The following PLB1 variants were observed in gnomAD, a reference collection of about 807,000 sequenced individuals.
PLB1 encodes the protein phospholipase B1.
PLB1 carries 242 observed loss-of-function variants against 227.4 expected under a neutral mutation model. The ratio of observed to expected loss-of-function variants is 1.06; its 90% CI spans 0.96 to 1.18. The LOEUF (loss-of-function observed/expected upper bound fraction) is 1.18, where lower values mean the gene tolerates loss of function less well. Ranked by LOEUF, PLB1 falls within the 50% of genes most tolerant of loss-of-function variation. The pLI, the probability that PLB1 is intolerant of heterozygous loss-of-function variation, is 0.00. For synonymous variants in PLB1, 757 were observed against 682.2 expected, an observed-to-expected ratio of 1.11 and a Z score of -1.71; for missense variants, 1,858 against 1,816.3, an observed-to-expected ratio of 1.02 and a Z score of -0.42.
chr2:28,532,193 A>G lies in PLB1; in HGVS notation c.554A>G (p.Gln185Arg). The G allele has an allele frequency of 1.2e-6, 2 of 1,609,430 alleles. No individual in the cohort carries two copies. Among genetic ancestry groups the G allele is most frequent in the Non-Finnish European group, 8.5e-7 (1 of 1,176,946 alleles). The change falls in exon 9 of 58, where the codon CAG becomes CGG. Residue 185 changes from glutamine (Q) to arginine (R), a missense_variant and splice_region_variant. Physicochemically the swap from Gln to Arg is conservative, Grantham distance 43 (BLOSUM62 1). Transcript: ENST00000327757. ...SQCYLCPSAQ[Q>R]NGLAAGGVDE... ...TGTTACCTGTGCCCCTCTGCTCAAC[A>G]GGTAAATGGCAGCCTTGGGGACCAA...
intron 43 of PLB1, 142 bp downstream of exon 43, chr2:28,606,709 A>G: frequency 1.3e-6 from 1 of 749,454 alleles, no homozygotes. Flanking sequence ...GATGGAGGGG[A>G]GTCCATGAGG....
In PLB1 at chr2:28,642,793, G is replaced by A; in HGVS notation, c.4174-65G>A. 5 of 1,402,762 alleles carry A rather than the reference G, an allele frequency of 3.6e-6. No homozygotes were observed. In the East Asian group the frequency reaches 7.5e-5, roughly 21 times the overall value. 86.9% of individuals were successfully genotyped at this position (1,402,762 alleles called of 1,614,324 possible). On this transcript the variant is annotated intron_variant, in intron 57 of 57. Transcript: ENST00000327757. Reference sequence around the variant, plus strand: ...CATCTCAGGAATGGGGACTAGGCAAGTCTTGGCTTGGTGATGGATGGTTCA... The same window carrying A: ...CATCTCAGGAATGGGGACTAGGCAAATCTTGGCTTGGTGATGGATGGTTCA...
At position 28,632,954 on chromosome 2, in the gene PLB1, C is replaced by A; in HGVS notation, c.4013C>A (p.Thr1338Asn). The A allele has an allele frequency of 6.2e-7, 1 of 1,605,856 alleles. No homozygotes were observed. The highest frequency in any genetic ancestry group is 8.5e-7 in the Non-Finnish European group (1 of 1,179,782). ...TGCCGTTGGTTGCAGAGAGGGGACA[C>A]TGACCTCACCTTCTTCTCCGAGGAC... ...TLTPLNERGD[T>N]DLTFFSEDCF... The change falls in exon 56 of 58, where the codon ACT (threonine) becomes AAT (asparagine). Residue 1338 changes from threonine (T) to asparagine (N), a missense_variant. Coordinates refer to ENST00000327757, the MANE Select transcript of PLB1 (RefSeq NM_153021.5).
At position 28,532,166 on chromosome 2, in the gene PLB1, A is replaced by G. The variant is rs571573775; in HGVS notation, c.527A>G (p.Gln176Arg). The change falls in exon 9 of 58, where the codon CAG becomes CGG. Residue 176 changes from glutamine to arginine, a missense_variant. Physicochemically the swap from Gln to Arg is conservative, Grantham distance 43 (BLOSUM62 1). Transcript: ENST00000327757. ...LINVFFSNAS[Q>R]CYLCPSAQQN... ...AATGTGTTCTTCAGTAATGCAAGCCAGTGTTACCTGTGCCCCTCTGCTCAA... is the reference window on the plus strand; with the variant it reads ...AATGTGTTCTTCAGTAATGCAAGCCGGTGTTACCTGTGCCCCTCTGCTCAA... 6 of 1,613,234 alleles carry G rather than the reference A, an allele frequency of 3.7e-6. No homozygotes were observed. The Admixed American group carries it at 8.4e-5, about 22-fold the overall frequency.
At chr2:28,635,798 G>A (rs988407001) in intron 56 of PLB1, among the ~76,000 whole-genome samples, 8 of 152,252 alleles carry the variant, frequency 5.3e-5, no homozygotes, top group African/African-American at 1.9e-4. Context: ...CTTTCCCGAG[G>A]CCTAGTCCTC....
intron 46 of PLB1, among the ~76,000 whole-genome samples, chr2:28,619,524 GTTTTT>G (rs1054121256): frequency 2.1e-5 from 1 of 47,238 alleles, no homozygotes; most frequent in Non-Finnish European, 3.9e-5. Flanking sequence ...TCAAGGTTTT[GTTTTT>G]TTTTTTTTTT....
chr2:28,621,972 T>C (rs1161648392), intron 49 of PLB1, among the ~76,000 whole-genome samples: 1 of 152,216 alleles, frequency 6.6e-6, no homozygotes, highest in Non-Finnish European at 1.5e-5. Context: ...ACTTCACTTC[T>C]CTTATTGCCT....
intron 31 of PLB1, among the ~76,000 whole-genome samples, chr2:28,592,393 A>T (rs1573251299): frequency 7.2e-6 from 1 of 138,066 alleles, no homozygotes; most frequent in African/African-American, 2.7e-5. Flanking sequence ...CCTTCCCTCC[A>T]TCTCTCCTTC....
chr2:28,536,780 A>C (rs1390203535), intron 9 of PLB1, among the ~76,000 whole-genome samples: 1 of 152,190 alleles, frequency 6.6e-6, no homozygotes, highest in African/African-American at 2.4e-5. Flanking sequence ...TTATAGGAGC[A>C]TAATGTCTTT....
chr2:28,519,070 T>G (rs1353313096), intron 3 of PLB1, among the ~76,000 whole-genome samples: 1 of 152,226 alleles, frequency 6.6e-6, no homozygotes, highest in Non-Finnish European at 1.5e-5. Flanking sequence ...ATTGATGCAC[T>G]TTTAAGGAAA....
chr2:28,598,094 C>A, intron 34 of PLB1, 46 bp downstream of exon 34: 1 of 1,548,668 alleles, frequency 6.5e-7, no homozygotes, highest in Non-Finnish European at 8.8e-7. Context: ...TTCCACCCAT[C>A]TGGCCCCTTG....
chr2:28,629,148 C>A lies in PLB1; in HGVS notation c.3781C>A (p.Gln1261Lys), dbSNP rs749454033. ...GGTCATGGAGCTGGCTAGCCTGTAC[C>A]AGGGCCAAGGCGGGAAATGTGCCAT... ...VEVMELASLY[Q>K]GQGGKCAMLA... Residue 1261 changes from glutamine (Q) to lysine (K), a missense_variant, in exon 53 of 58, where the codon CAG (glutamine) becomes AAG (lysine). Coordinates refer to ENST00000327757, the MANE Select transcript of PLB1 (RefSeq NM_153021.5). The A allele has an allele frequency of 6.2e-7, 1 of 1,613,896 alleles. No homozygotes were observed. Among genetic ancestry groups the A allele is most frequent in the East Asian group, 2.2e-5 (1 of 44,862 alleles).
intron 4 of PLB1, among the ~76,000 whole-genome samples, chr2:28,522,760 C>T (rs1669693907): frequency 6.6e-6 from 1 of 152,206 alleles, no homozygotes; most frequent in African/African-American, 2.4e-5. Flanking sequence ...GATGACCTCC[C>T]AGCCCCAGGA....
At position 28,618,379 on chromosome 2, in the gene PLB1, G is replaced by A. The variant is rs138611639; in HGVS notation, c.3295G>A (p.Ala1099Thr). Residue 1099 changes from alanine to threonine, a missense_variant, in exon 46 of 58, where the codon GCC becomes ACC. Coordinates refer to ENST00000327757, the MANE Select transcript of PLB1 (RefSeq NM_153021.5). ...ACCAGCAGACATCAAAGTGGTGGCC[G>A]CCCTGGGTGACTCTCTGACTGTGAG... is the stretch of plus-strand genomic sequence containing the variant. Reference protein sequence around the residue: ...LRPADIKVVAALGDSLTTAVG... With the variant: ...LRPADIKVVATLGDSLTTAVG... 70 of 1,614,060 alleles carry A rather than the reference G, an allele frequency of 4.3e-5. No homozygotes were observed. Among genetic ancestry groups the A allele is most frequent in the African/African-American group, 3.9e-4 (29 of 75,014 alleles).
intron 51 of PLB1, among the ~76,000 whole-genome samples, chr2:28,626,842 A>G (rs1219530801): frequency 1.3e-5 from 2 of 152,192 alleles, no homozygotes; most frequent in Non-Finnish European, 2.9e-5. Context: ...TCCTCACCCC[A>G]TCCCTGCCCT....
intron 11 of PLB1, 37 bp downstream of exon 11, chr2:28,539,215 C>T (rs935036368): frequency 1.3e-6 from 2 of 1,553,810 alleles, no homozygotes; most frequent in African/African-American, 1.4e-5. Flanking sequence ...GCATCTGTGA[C>T]ACGGCTGTCA....
At chr2:28,612,806 A>G (rs1189200703) in intron 43 of PLB1, among the ~76,000 whole-genome samples, 1 of 145,160 alleles carries the variant, frequency 6.9e-6, no homozygotes, top group African/African-American at 2.6e-5. Flanking sequence ...TAGTAGAGAC[A>G]GGGTTTCACC....
intron 49 of PLB1, among the ~76,000 whole-genome samples, chr2:28,623,990 G>A (rs552789429): frequency 9.7e-4 from 148 of 152,234 alleles, no homozygotes; most frequent in Non-Finnish European, 1.7e-3. Context: ...CCAGCTACTC[G>A]GAAGGCTGAG....
At chr2:28,525,169 T>C (rs1670064551) in intron 4 of PLB1, 98 bp from the exon 5 acceptor site, 4 of 1,124,810 alleles carry the variant, frequency 3.6e-6, no homozygotes, top group Non-Finnish European at 5.2e-6. Context: ...TCCCTCTTAC[T>C]GGCAGGAGGG....
Sources: gnomAD v4.1 joint callset for allele counts (sites outside exome capture counted in the v4.1 genomes callset) on GRCh38, gnomAD v4.1.1 for gene constraint, MANE v1.5 for transcripts, NCBI Gene and HGNC (gene_info 2026-07-23, HGNC 2026-07-21) for gene names.